GPC6: variants seen among roughly 807,000 people sequenced by gnomAD.
The protein encoded by GPC6 is glypican-6.
GPC6 carries 14 observed loss-of-function variants against 55.2 expected under a neutral mutation model. The ratio of observed to expected loss-of-function variants is 0.25; its 90% CI spans 0.17 to 0.40. The LOEUF (loss-of-function observed/expected upper bound fraction) is 0.40. Among genes scored for constraint, GPC6 ranks in the 10% least tolerant of loss-of-function variants. GPC6 has a pLI of 1.00. For missense variants in GPC6, 641 were observed against 708.5 expected (o/e 0.90, Z 1.08); for synonymous variants, 278 against 259.6 (o/e 1.07, Z -0.68).
At chr13:93,804,708 G>A (rs1320773190) in intron 2 of GPC6, among the ~76,000 whole-genome samples, 1 of 151,984 alleles carries the variant, frequency 6.6e-6, no homozygotes, top group Non-Finnish European at 1.5e-5. Context: ...TCTACTCTTC[G>A]CCTATCCCAA....
chr13:93,836,246 C>G (rs1386426619), intron 3 of GPC6: 2 of 152,142 alleles, frequency 1.3e-5, no homozygotes, highest in Non-Finnish European at 2.9e-5. Context: ...TATCAAATGC[C>G]TCTGTTTAAA....
At chr13:93,816,799 G>A (rs1362132708) in intron 2 of GPC6, among the ~76,000 whole-genome samples, 1 of 151,386 alleles carries the variant, frequency 6.6e-6, no homozygotes, top group African/African-American at 2.4e-5. Flanking sequence ...TTCTTAATAG[G>A]CATATTCACA....
chr13:93,518,795 A>G (rs1314016281), intron 1 of GPC6, among the ~76,000 whole-genome samples: 1 of 151,998 alleles, frequency 6.6e-6, no homozygotes, highest in Non-Finnish European at 1.5e-5. Flanking sequence ...TTTCCCAAGT[A>G]GCAATATAAA....
At chr13:93,751,850 C>G (rs192408699) in intron 2 of GPC6, among the ~76,000 whole-genome samples, 1 of 152,084 alleles carries the variant, frequency 6.6e-6, no homozygotes, top group Non-Finnish European at 1.5e-5. Context: ...TCTTCCTCCC[C>G]CATTGGCCTA....
At chr13:93,635,305 G>A (rs780777890) in intron 2 of GPC6, among the ~76,000 whole-genome samples, 2 of 151,902 alleles carry the variant, frequency 1.3e-5, no homozygotes, top group African/African-American at 4.8e-5. Context: ...CTTTTGTAAC[G>A]TGGACACATT....
intron 3 of GPC6, among the ~76,000 whole-genome samples, chr13:93,847,496 A>T (rs1888225644): frequency 6.6e-6 from 1 of 152,148 alleles, no homozygotes; most frequent in South Asian, 2.1e-4. Context: ...GGTTCTTTTC[A>T]GGTAACAGCC....
At chr13:93,849,109 C>T (rs1000390891) in intron 3 of GPC6, among the ~76,000 whole-genome samples, 15 of 152,206 alleles carry the variant, frequency 9.9e-5, no homozygotes, top group African/African-American at 3.6e-4. Context: ...TGCCTTCCAT[C>T]CTTATCATTC....
intron 3 of GPC6, among the ~76,000 whole-genome samples, chr13:93,987,471 A>G (rs1274862936): frequency 6.6e-6 from 1 of 152,246 alleles, no homozygotes; most frequent in African/African-American, 2.4e-5. Context: ...TAACACATCC[A>G]GTAAAGATTC....
chr13:93,250,519 C>T (rs1215917541), intron 1 of GPC6, among the ~76,000 whole-genome samples: 1 of 152,200 alleles, frequency 6.6e-6, no homozygotes, highest in Admixed American at 6.5e-5. Flanking sequence ...CAACTGGCCT[C>T]TGGCCCACCT....
intron 5 of GPC6, among the ~76,000 whole-genome samples, chr13:94,294,027 A>C (rs1215829816): frequency 6.6e-6 from 1 of 152,172 alleles, no homozygotes; most frequent in East Asian, 1.9e-4. Context: ...GGCAGGGAAG[A>C]GCCTTCATTA....
chr13:94,106,978 G>A (rs1886076154), intron 4 of GPC6, among the ~76,000 whole-genome samples: 1 of 152,114 alleles, frequency 6.6e-6, no homozygotes, highest in African/African-American at 2.4e-5. Flanking sequence ...GTAGACAAAA[G>A]AAAAGGAAAG....
chr13:93,408,256 C>A (rs1293187378), intron 1 of GPC6, among the ~76,000 whole-genome samples: 1 of 152,072 alleles, frequency 6.6e-6, no homozygotes, highest in Admixed American at 6.6e-5. Flanking sequence ...TATGTTTAAT[C>A]ATTTATAAAA....
chr13:93,943,165 A>G (rs189902015), intron 3 of GPC6, among the ~76,000 whole-genome samples: 2 of 152,328 alleles, frequency 1.3e-5, no homozygotes, highest in African/African-American at 4.8e-5. Flanking sequence ...TGTTGCATGA[A>G]TGAATTATAC....
At chr13:93,435,090 G>A (rs1269565844) in intron 1 of GPC6, among the ~76,000 whole-genome samples, 1 of 151,980 alleles carries the variant, frequency 6.6e-6, no homozygotes, top group Non-Finnish European at 1.5e-5. Context: ...AATGAGACAT[G>A]TAAAATAATA....
In GPC6 at chr13:93,473,956, C is replaced by A. The variant is rs532240681; in HGVS notation, c.161-71307C>A. On this transcript the variant is annotated intron_variant, in intron 1 of 8. Coordinates refer to ENST00000377047, the MANE Select transcript of GPC6 (RefSeq NM_005708.5). ...CTTGGGTATGTGGGGCAAAGAGACC[C>A]ACTGCTGCCACTGCTGCTTCTTCAG... Among the ~76,000 whole-genome samples the A allele has an allele frequency of 3.9e-5, 6 of 152,254 alleles. No individual in the cohort carries two copies. The South Asian group carries it at 1.2e-3, about 32-fold the overall frequency.
At chr13:94,301,967 A>G (rs1157495891) in intron 5 of GPC6, among the ~76,000 whole-genome samples, 1 of 152,158 alleles carries the variant, frequency 6.6e-6, no homozygotes, top group African/African-American at 2.4e-5. Flanking sequence ...GGTCTCTTAT[A>G]CTAACCTAGC....
chr13:93,270,676 C>A, intron 1 of GPC6, among the ~76,000 whole-genome samples: 1 of 148,294 alleles, frequency 6.7e-6, no homozygotes, highest in African/African-American at 2.5e-5. Flanking sequence ...TCTGTCCTAG[C>A]ATTTTCACAT....
At chr13:93,960,152 G>A (rs1311794980) in intron 3 of GPC6, among the ~76,000 whole-genome samples, 2 of 152,158 alleles carry the variant, frequency 1.3e-5, no homozygotes, top group Non-Finnish European at 2.9e-5. Context: ...AGCTGTAGAT[G>A]GTGGGCTTTC....
rs538287728 is a variant in GPC6 at position 94,014,655 on chromosome 13, C to T, written c.712-13074C>T. Among the ~76,000 whole-genome samples the T allele has an allele frequency of 1.6e-4, 25 of 152,206 alleles. No individual in the cohort carries two copies. In the South Asian group the frequency reaches 1.7e-3, roughly 10 times the overall value. ...GTCACACAAAAAGAAAACTTAGGCC[C>T]ATCAGCAGTCATTCTCCAGCCCCCA... On this transcript the variant is annotated intron_variant, in intron 3 of 8. Transcript: ENST00000377047.
Sources: gnomAD v4.1 joint callset for allele counts (sites outside exome capture counted in the v4.1 genomes callset) on GRCh38, gnomAD v4.1.1 for gene constraint, MANE v1.5 for transcripts, NCBI Gene and HGNC (gene_info 2026-07-23, HGNC 2026-07-21) for gene names.